Variants in NDUFS8 observed in about 807,000 individuals in gnomAD.
The protein encoded by NDUFS8 is NADH:ubiquinone oxidoreductase core subunit S8, also known as NADH dehydrogenase [ubiquinone] iron-sulfur protein 8, mitochondrial.
In NDUFS8, 13 loss-of-function variants were observed where a neutral mutation model predicts 25.6. That is an observed-to-expected ratio of 0.51 (90% CI 0.33 to 0.81). NDUFS8 has a LOEUF of 0.81. Among genes scored for constraint, NDUFS8 ranks in the 30% least tolerant of loss-of-function variants. The probability of loss-of-function intolerance (pLI) is 0.02; values close to 1 mark genes in which losing one functional copy is unlikely to be tolerated. For synonymous variants in NDUFS8, 119 were observed against 119.4 expected, an observed-to-expected ratio of 1.00 and a Z score of 0.02; for missense variants, 257 against 300.9, an observed-to-expected ratio of 0.85 and a Z score of 1.08.
At chr11:68,030,907 A>T in intron 1 of NDUFS8, 174 bp downstream of exon 1, 1 of 360,356 alleles carries the variant, frequency 2.8e-6, no homozygotes, top group Non-Finnish European at 5.7e-6. Flanking sequence ...CTCAGGGCGC[A>T]TGCGCCGCCC....
At chr11:68,034,795 T>C (rs566488426) in intron 5 of NDUFS8, 1 of 143,506 alleles carries the variant, frequency 7.0e-6, no homozygotes, top group African/African-American at 2.6e-5. Context: ...TTAGGGCCGG[T>C]TGCGGTGGCT....
chr11:68,035,895 T>C, intron 5 of NDUFS8: 1 of 369,802 alleles, frequency 2.7e-6, no homozygotes, highest in Non-Finnish European at 5.3e-6. Flanking sequence ...GATGCACACT[T>C]GTAGTCCCAG....
chr11:68,032,437 C>G (rs1854790042), intron 3 of NDUFS8, 101 bp downstream of exon 3: 3 of 1,596,420 alleles, frequency 1.9e-6, no homozygotes, highest in Non-Finnish European at 2.6e-6. Flanking sequence ...CAGGGGCGTT[C>G]TTCTCTGAGC....
At position 68,036,275 on chromosome 11, in the gene NDUFS8, C is replaced by G. The variant is rs1400393190; in HGVS notation, c.395C>G (p.Pro132Arg). ...PAQAITIEAEPRADGSRRTTR... is the reference protein window; with the variant it reads ...PAQAITIEAERRADGSRRTTR... Reference sequence around the variant, plus strand: ...CAGGCCATCACCATCGAGGCTGAGCCAAGAGCTGATGGCAGCCGCCGGACC... The same window carrying G: ...CAGGCCATCACCATCGAGGCTGAGCGAAGAGCTGATGGCAGCCGCCGGACC... Residue 132 changes from proline (P) to arginine (R), a missense_variant, in exon 6 of 7, where the codon CCA becomes CGA. Coordinates refer to ENST00000313468, the MANE Select transcript of NDUFS8 (RefSeq NM_002496.4). 2 of 1,612,948 alleles carry G rather than the reference C, an allele frequency of 1.2e-6. No homozygotes were observed. The highest frequency in any genetic ancestry group is 2.2e-5 in the South Asian group (2 of 91,064).
Position 68,036,465 on chromosome 11 carries a change from C to T in NDUFS8, c.505C>T (p.Pro169Ser), listed in dbSNP as rs1391317360. ...GTCCCTGCACCTCAACCTGCAGGGCCCCAACTTTGAGTTCTCCACGGAGAC... is the reference window on the plus strand; with the variant it reads ...GTCCCTGCACCTCAACCTGCAGGGCTCCAACTTTGAGTTCTCCACGGAGAC... Reference protein sequence around the residue: ...ACPVDAIVEGPNFEFSTETHE... With the variant: ...ACPVDAIVEGSNFEFSTETHE... Residue 169 changes from proline (P) to serine (S), a missense_variant, in exon 7 of 7, where the codon CCC becomes TCC. Pro to Ser is a moderately conservative substitution (Grantham distance 74, BLOSUM62 -1). Coordinates refer to ENST00000313468, the MANE Select transcript of NDUFS8 (RefSeq NM_002496.4). 1.1e-5 allele frequency: 18 copies of T among 1,614,038 alleles called. No homozygotes were observed. The highest frequency in any genetic ancestry group is 1.4e-5 in the Non-Finnish European group (17 of 1,179,984).
intron 3 of NDUFS8, 66 bp from the exon 4 acceptor site, chr11:68,032,857 C>G: frequency 6.6e-7 from 1 of 1,522,144 alleles, no homozygotes; most frequent in Non-Finnish European, 9.1e-7. Context: ...GGCTGCTCTC[C>G]CTGAGGCTCC....
Position 68,036,096 on chromosome 11 carries a change from C to T in NDUFS8, c.373-157C>T, listed in dbSNP as rs1461823848. On this transcript the variant is annotated intron_variant, in intron 5 of 6. Coordinates refer to ENST00000313468, the MANE Select transcript of NDUFS8 (RefSeq NM_002496.4). ...CGTGCTGAGGAGACAGGCGCGAGCA[C>T]CAGAGGTGCAGGGCGGCCTCTTAGC... is the stretch of plus-strand genomic sequence containing the variant. The T allele has an allele frequency of 9.1e-6, 11 of 1,207,696 alleles. No homozygotes were observed. The East Asian group carries it at 1.8e-4, about 19-fold the overall frequency. The allele number at this position is 1,207,696 out of a possible 1,614,324, so 74.8% of individuals were successfully genotyped here. A position where few individuals can be genotyped will look rare whatever the true frequency, so the allele number is the denominator to read the frequency against.
Position 68,032,816 on chromosome 11 carries a change from GC to G in NDUFS8, c.110-104del, listed in dbSNP as rs1464434552. 5.4e-6 allele frequency: 6 copies of G among 1,118,938 alleles called. No homozygotes were observed. In the East Asian group the frequency reaches 1.5e-4, roughly 27 times the overall value. The allele number at this position is 1,118,938 out of a possible 1,614,324, so 69.3% of individuals were successfully genotyped here. ...GTGGTGAGTGTACAGCCCCTTTGTA[GC>G]CCAGCAGTTGCACCTGGAAGTGAGG... On this transcript the variant is annotated intron_variant, in intron 3 of 6. Coordinates refer to ENST00000313468, the MANE Select transcript of NDUFS8 (RefSeq NM_002496.4).
At position 68,036,112 on chromosome 11, in the gene NDUFS8, G is replaced by A. The variant is rs1854883981; in HGVS notation, c.373-141G>A. 7.2e-6 allele frequency: 10 copies of A among 1,391,918 alleles called. No individual in the cohort carries two copies. In the South Asian group the frequency reaches 1.2e-4, roughly 17 times the overall value. The allele number at this position is 1,391,918 out of a possible 1,614,324, so 86.2% of individuals were successfully genotyped here. A position where few individuals can be genotyped will look rare whatever the true frequency, so the allele number is the denominator to read the frequency against. On this transcript the variant is annotated intron_variant, in intron 5 of 6. Coordinates refer to ENST00000313468, the MANE Select transcript of NDUFS8 (RefSeq NM_002496.4). ...GCGCGAGCACCAGAGGTGCAGGGCG[G>A]CCTCTTAGCCGGAGTCCAGGAGGCC...
intron 1 of NDUFS8, chr11:68,030,977 G>C (rs767477659): frequency 1.4e-5 from 6 of 422,428 alleles, no homozygotes; most frequent in South Asian, 9.7e-5. Flanking sequence ...GAAGGTGCTG[G>C]GTTGGGTCCC....
chr11:68,036,120 G>A, intron 5 of NDUFS8, 133 bp from the exon 6 acceptor site: 2 of 1,474,742 alleles, frequency 1.4e-6, no homozygotes, highest in Non-Finnish European at 1.8e-6. Context: ...CGGCCTCTTA[G>A]CCGGAGTCCA....
chr11:68,032,068 A>C (rs1854775777), intron 1 of NDUFS8, 84 bp from the exon 2 acceptor site: 8 of 1,596,190 alleles, frequency 5.0e-6, no homozygotes, highest in Middle Eastern at 2.3e-4. Context: ...ATGTCAGTGG[A>C]GACTTGGGAT....
intron 3 of NDUFS8, 147 bp downstream of exon 3, chr11:68,032,483 A>G: frequency 6.5e-7 from 1 of 1,532,162 alleles, no homozygotes; most frequent in South Asian, 1.2e-5. Flanking sequence ...GGTGATGGAG[A>G]CTGACTCTGA....
intron 4 of NDUFS8, 36 bp downstream of exon 4, chr11:68,033,048 G>A (rs763820247): frequency 1.4e-5 from 23 of 1,613,262 alleles, no homozygotes; most frequent in Middle Eastern, 1.6e-4. Flanking sequence ...GGAAGGTGCC[G>A]GGTGGGCACG....
In NDUFS8 at chr11:68,033,094, A is replaced by C. The variant is rs775082043; in HGVS notation, c.200-17A>C. 17 of 1,612,632 alleles carry C rather than the reference A, an allele frequency of 1.1e-5. No individual in the cohort carries two copies. The highest frequency in any genetic ancestry group is 1.4e-5 in the Non-Finnish European group (17 of 1,179,770). On this transcript the variant is annotated splice_polypyrimidine_tract_variant and intron_variant, in intron 4 of 6. Transcript: ENST00000313468. ...GGAGGAGGGTGCCCCTGCCCACCAC[A>C]CCCGTGCTGCCCACAGGCCTGGGCA... is the stretch of plus-strand genomic sequence containing the variant.
rs769414135 is a variant in NDUFS8, at chr11:68,033,090, C to G, written c.200-21C>G. The G allele has an allele frequency of 1.9e-6, 3 of 1,613,068 alleles. No individual in the cohort carries two copies. In the Admixed American group the frequency reaches 5.0e-5, roughly 27 times the overall value. On this transcript the variant is annotated intron_variant, in intron 4 of 6. Transcript: ENST00000313468. ...TGGGGGAGGAGGGTGCCCCTGCCCA[C>G]CACACCCGTGCTGCCCACAGGCCTG...
rs772417838 is a variant in NDUFS8, at chr11:68,036,527, C to T, written c.567C>T (p.Leu189=). The stretch of plus-strand genomic sequence containing the variant: ...TGCTGTACAACAAGGAGAAGTTGCT[C>T]AACAACGGGGACAAGTGGGAGGCCG... ...EELLYNKEKL[L]NNGDKWEAEI... The change falls in exon 7 of 7, where the codon CTC becomes CTT. Residue 189 remains leucine, a synonymous_variant. Transcript: ENST00000313468. 6.2e-7 allele frequency: 1 copy of T among 1,614,094 alleles called. No individual in the cohort carries two copies. Among genetic ancestry groups the T allele is most frequent in the Non-Finnish European group, 8.5e-7 (1 of 1,179,994 alleles).
Position 68,033,140 on chromosome 11 carries a change from C to T in NDUFS8, c.229C>T (p.Arg77Trp), listed in dbSNP as rs146766138. 19 of 1,612,682 alleles carry T rather than the reference C, an allele frequency of 1.2e-5. No individual in the cohort carries two copies. The highest frequency in any genetic ancestry group is 5.0e-5 in the Admixed American group (3 of 59,934). ...GLGMTLSYLF[R>W]EPATINYPFE... ...GGGCATGACCCTGAGCTACCTGTTC[C>T]GGGAACCGGCCACCATCAACTACCC... The change falls in exon 5 of 7, where the codon CGG (arginine) becomes TGG (tryptophan). Residue 77 changes from arginine (R) to tryptophan (W), a missense_variant. Physicochemically the swap from Arg to Trp is moderately radical, Grantham distance 101. Transcript: ENST00000313468.
At chr11:68,031,678 G>T (rs2134412499) in intron 1 of NDUFS8, 1 of 272,636 alleles carries the variant, frequency 3.7e-6, no homozygotes, top group Admixed American at 4.9e-5. Context: ...CTGAGTCCCA[G>T]CGCCTTATTT....
Sources: allele counts gnomAD v4.1 joint callset, GRCh38; gene constraint gnomAD v4.1.1; transcripts MANE v1.5; gene names NCBI Gene and HGNC (gene_info 2026-07-23, HGNC 2026-07-21).